Variants in PPARD observed in about 807,000 individuals in gnomAD.
The protein encoded by PPARD is peroxisome proliferator activated receptor delta, also known as peroxisome proliferator-activated receptor delta.
PPARD carries 6 observed loss-of-function variants against 39.5 expected under a neutral mutation model. The ratio of observed to expected loss-of-function variants is 0.15; its 90% CI spans 0.08 to 0.30. The LOEUF is 0.30. Among genes scored for constraint, PPARD ranks in the 10% least tolerant of loss-of-function variants. The probability of loss-of-function intolerance (pLI) is 1.00; values close to 1 mark genes in which losing one functional copy is unlikely to be tolerated. For missense variants in PPARD, 397 were observed against 596.8 expected, an observed-to-expected ratio of 0.67 and a Z score of 3.49; for synonymous variants, 210 against 231.3, an observed-to-expected ratio of 0.91 and a Z score of 0.83.
intron 2 of PPARD, among the ~76,000 whole-genome samples, chr6:35,365,770 C>T (rs181061581): frequency 2.0e-5 from 3 of 151,810 alleles, no homozygotes; most frequent in East Asian, 3.9e-4. Context: ...GGATTACAGG[C>T]GTGAGTCACC....
chr6:35,354,304 C>CT (rs942964699), intron 2 of PPARD, among the ~76,000 whole-genome samples: 1,855 of 125,758 alleles, frequency 0.015, 20 homozygotes, highest in African/African-American at 0.029. Context: ...TACAACCATT[C>CT]TTTTTTTTTT....
chr6:35,376,260 G>A (rs904309894), intron 2 of PPARD, among the ~76,000 whole-genome samples: 21 of 152,002 alleles, frequency 1.4e-4, no homozygotes, highest in African/African-American at 3.9e-4. Flanking sequence ...TGCCTCTTTG[G>A]CTTTCTCGTT....
intron 2 of PPARD, among the ~76,000 whole-genome samples, chr6:35,374,657 CAAAA>C (rs372824499): frequency 3.7e-5 from 3 of 80,554 alleles, no homozygotes. Context: ...GACTCTGTCT[CAAAA>C]AAAAAAAAAA....
intron 2 of PPARD, among the ~76,000 whole-genome samples, chr6:35,383,857 G>A (rs1763330369): frequency 1.4e-5 from 2 of 146,712 alleles, no homozygotes; most frequent in African/African-American, 2.7e-5. Context: ...GAGAAATGAG[G>A]AGCCTCTCCG....
In PPARD at chr6:35,420,819, C is replaced by CTTTTT. The variant is rs35852986; in HGVS notation, c.285+559_285+563dup. 9.5e-3 allele frequency among the ~76,000 whole-genome samples: 811 copies of CTTTTT among 85,712 alleles called. 49 individuals carry two copies. The highest frequency in any genetic ancestry group is 0.012 in the Non-Finnish European group (542 of 47,110). The allele number at this position is 85,712 out of a possible 152,430, so 56.2% of individuals were successfully genotyped here. A position where few individuals can be genotyped will look rare whatever the true frequency, so the allele number is the denominator to read the frequency against. On this transcript the variant is annotated intron_variant, in intron 4 of 7. Coordinates refer to ENST00000360694, the MANE Select transcript of PPARD (RefSeq NM_006238.5). ...TTATGTTACCAAACTAACAAAGAAG[C>CTTTTT]TTTTTTTTTTTTTTTTTTTTTTTTT...
Position 35,342,673 on chromosome 6 carries a change from C to T in PPARD, c.-194C>T. On this transcript the variant is annotated 5_prime_UTR_variant, in exon 1 of 8. Transcript: ENST00000360694. ...ACGGCGGCGGTGGCGCCGTAGGCAG[C>T]CGGGACAGGTCAGTCCGAGACGAGA... is the stretch of plus-strand genomic sequence containing the variant. 1 of 152,984 alleles carries T rather than the reference C, an allele frequency of 6.5e-6. No homozygotes were observed. The highest frequency in any genetic ancestry group is 1.5e-5 in the Non-Finnish European group (1 of 68,586). 9.5% of individuals were successfully genotyped at this position (152,984 alleles called of 1,614,324 possible).
Position 35,363,700 on chromosome 6 carries a change from A to G in PPARD, c.-102+16550A>G, listed in dbSNP as rs1034099714. Among the ~76,000 whole-genome samples the G allele has an allele frequency of 6.6e-6, 1 of 152,158 alleles. No homozygotes were observed. The highest frequency in any genetic ancestry group is 2.4e-5 in the African/African-American group (1 of 41,440). On this transcript the variant is annotated intron_variant, in intron 2 of 7. Transcript: ENST00000360694. This position sits in a 1 kb window ranked among gnomAD's most constrained non-coding sequence, Gnocchi z 4.5. Reference sequence around the variant, plus strand: ...GGCGAGTGAGCAGCTAGAAAGTGCCAGGGGACACAAAAATGGGGGAGACAG... The same window carrying G: ...GGCGAGTGAGCAGCTAGAAAGTGCCGGGGGACACAAAAATGGGGGAGACAG...
At chr6:35,367,700 G>T (rs1762277772) in intron 2 of PPARD, among the ~76,000 whole-genome samples, 1 of 152,200 alleles carries the variant, frequency 6.6e-6, no homozygotes, top group Admixed American at 6.5e-5. Context: ...TCTGTGTTTA[G>T]CTGCACTGTA....
Position 35,423,986 on chromosome 6 carries a change from G to A in PPARD, c.465G>A (p.Lys155=). ...GGATGCCGGAGGCTGAGAAGAGGAA[G>A]CTGGTGGCAGGGCTGACTGCAAACG... ...FGRMPEAEKR[K]LVAGLTANEG... The change falls in exon 6 of 8, where the codon AAG becomes AAA. Residue 155 remains lysine (K), a synonymous_variant. Transcript: ENST00000360694. 1 of 1,614,234 alleles carries A rather than the reference G, an allele frequency of 6.2e-7. No individual in the cohort carries two copies. Among genetic ancestry groups the A allele is most frequent in the Non-Finnish European group, 8.5e-7 (1 of 1,180,048 alleles).
chr6:35,406,514 C>T (rs1765060937), intron 2 of PPARD, among the ~76,000 whole-genome samples: 1 of 152,176 alleles, frequency 6.6e-6, no homozygotes. Context: ...GGCTGCAGCA[C>T]AGCAGTTCAA....
At chr6:35,374,296 A>C (rs1762658929) in intron 2 of PPARD, among the ~76,000 whole-genome samples, 1 of 132,096 alleles carries the variant, frequency 7.6e-6, no homozygotes, top group Non-Finnish European at 1.5e-5. Flanking sequence ...GGTCATGGTT[A>C]GTTCTCGGCG....
At chr6:35,380,152 T>C (rs1342935806) in intron 2 of PPARD, among the ~76,000 whole-genome samples, 2 of 152,146 alleles carry the variant, frequency 1.3e-5, no homozygotes, top group African/African-American at 4.8e-5. Flanking sequence ...TATGGATGGA[T>C]TGATGGATTG....
intron 2 of PPARD, among the ~76,000 whole-genome samples, chr6:35,388,832 G>A (rs948180781): frequency 6.6e-6 from 1 of 152,176 alleles, no homozygotes; most frequent in South Asian, 2.1e-4. Flanking sequence ...CCATGGACAC[G>A]CTTCCACCAC....
intron 2 of PPARD, among the ~76,000 whole-genome samples, chr6:35,385,662 A>C (rs1217504387): frequency 1.4e-4 from 21 of 151,404 alleles, no homozygotes; most frequent in South Asian, 1.0e-3. Flanking sequence ...AAAAAAAAAA[A>C]AAAAACAAAT....
chr6:35,365,000 C>T (rs144419190), intron 2 of PPARD, among the ~76,000 whole-genome samples: 7,243 of 151,982 alleles, frequency 0.048, 344 homozygotes, highest in African/African-American at 0.12. Flanking sequence ...TGAGCCACCG[C>T]GCCCGGCCCC....
rs1766397205 is a variant in PPARD at position 35,424,034 on chromosome 6, G to A, written c.513G>A (p.Gln171=). ...ACGAGGGGAGCCAGTACAACCCACA[G>A]GTGGCCGACCTGAAGGCCTTCTCCA... is the stretch of plus-strand genomic sequence containing the variant. ...TANEGSQYNP[Q]VADLKAFSKH... The change falls in exon 6 of 8, where the codon CAG becomes CAA. Residue 171 remains glutamine, a synonymous_variant. Transcript: ENST00000360694. This position sits in a 1 kb window ranked among gnomAD's most constrained non-coding sequence, Gnocchi z 7.1. The A allele has an allele frequency of 6.2e-7, 1 of 1,614,218 alleles. No homozygotes were observed. Among genetic ancestry groups the A allele is most frequent in the African/African-American group, 1.3e-5 (1 of 75,066 alleles).
In PPARD at chr6:35,424,882, A is replaced by G; in HGVS notation, c.1078+103A>G. 6.7e-7 allele frequency: 1 copy of G among 1,496,256 alleles called. No individual in the cohort carries two copies. The highest frequency in any genetic ancestry group is 1.4e-5 in the African/African-American group (1 of 72,466). 92.7% of individuals were successfully genotyped at this position (1,496,256 alleles called of 1,614,324 possible). On this transcript the variant is annotated intron_variant, in intron 7 of 7. Transcript: ENST00000360694. The surrounding 1 kb of genome is among the most constrained non-coding windows in gnomAD (Gnocchi z 7.1). ...TGCCTGAGCTCTGACAGTGTGGGGA[A>G]GTGTCCCTGTGATCTTGGCAGTGGA... is the stretch of plus-strand genomic sequence containing the variant.
chr6:35,344,725 T>C (rs1350887748), intron 1 of PPARD, among the ~76,000 whole-genome samples: 1 of 152,150 alleles, frequency 6.6e-6, no homozygotes, highest in East Asian at 1.9e-4. Flanking sequence ...GTTGGCAACC[T>C]TTAGGAGCTG....
At chr6:35,345,969 C>T (rs952474814) in intron 1 of PPARD, among the ~76,000 whole-genome samples, 4 of 151,514 alleles carry the variant, frequency 2.6e-5, no homozygotes, top group African/African-American at 9.7e-5. Context: ...CTCCATCTCC[C>T]AGGTTCACGC....
Sources: allele counts gnomAD v4.1 joint callset (sites outside exome capture counted in the v4.1 genomes callset), GRCh38; gene constraint gnomAD v4.1.1; non-coding constraint Gnocchi (gnomAD v3.1); transcripts MANE v1.5; gene names NCBI Gene and HGNC (gene_info 2026-07-23, HGNC 2026-07-21).